Variants in TFCP2L1 observed in about 807,000 individuals in gnomAD.
TFCP2L1 encodes the protein transcription factor CP2-like protein 1.
Under a neutral mutation model 72.2 loss-of-function variants are expected in TFCP2L1, and 12 were observed. The observed-to-expected ratio is 0.17, with a 90% confidence interval of 0.11 to 0.27. TFCP2L1 has a LOEUF of 0.27. Ranked by LOEUF, TFCP2L1 falls within the 10% of genes least tolerant of loss-of-function variation. The pLI, the probability that TFCP2L1 is intolerant of heterozygous loss-of-function variation, is 1.00. For missense variants in TFCP2L1, 488 were observed against 624.6 expected (o/e 0.78, Z 2.33); for synonymous variants, 260 against 251.0 (o/e 1.04, Z -0.34).
chr2:121,265,055 C>A (rs1329347800), intron 2 of TFCP2L1, among the ~76,000 whole-genome samples: 2 of 152,064 alleles, frequency 1.3e-5, no homozygotes, highest in Admixed American at 1.3e-4. Context: ...TTCACAATAG[C>A]CAAAAAGTAG....
At chr2:121,242,225 G>C (rs185168764) in intron 7 of TFCP2L1, 134 bp downstream of exon 7, 2 of 731,720 alleles carry the variant, frequency 2.7e-6, no homozygotes, top group Admixed American at 4.3e-5. Flanking sequence ...CCAGACACTG[G>C]AACCCACCAC....
chr2:121,263,612 G>A (rs1194998607), intron 2 of TFCP2L1, among the ~76,000 whole-genome samples: 1 of 152,056 alleles, frequency 6.6e-6, no homozygotes, highest in Admixed American at 6.5e-5. Context: ...GATTCAAAAT[G>A]TTGACAATGC....
intron 2 of TFCP2L1, 108 bp downstream of exon 2, chr2:121,281,012 C>T (rs963811790): frequency 2.9e-5 from 42 of 1,464,738 alleles, no homozygotes; most frequent in East Asian, 2.5e-4. Flanking sequence ...AGCCCGACCT[C>T]GCCCGACCTC....
Position 121,276,450 on chromosome 2 carries a change from T to C in TFCP2L1, c.214+4670A>G, listed in dbSNP as rs576953741. On this transcript the variant is annotated intron_variant, in intron 2 of 14. Transcript: ENST00000263707. ...GAGTTCAAGAGCAGCTTGGGAAACATGACAAAACCCCATCTCTACCAAAAT... is the reference window on the plus strand; with the variant it reads ...GAGTTCAAGAGCAGCTTGGGAAACACGACAAAACCCCATCTCTACCAAAAT... 3.9e-5 allele frequency among the ~76,000 whole-genome samples: 6 copies of C among 152,004 alleles called. No homozygotes were observed. The South Asian group carries it at 6.2e-4, about 16-fold the overall frequency.
chr2:121,223,128 A>G lies in TFCP2L1; in HGVS notation c.*1213T>C, dbSNP rs1449491730. On this transcript the variant is annotated 3_prime_UTR_variant, in exon 15 of 15. Transcript: ENST00000263707. ...AGAAGCTCCATTTAGAAGCTATGACATCCCATTCAGGTGGTCAGAGGGTTC... is the reference window on the plus strand; with the variant it reads ...AGAAGCTCCATTTAGAAGCTATGACGTCCCATTCAGGTGGTCAGAGGGTTC... The G allele has an allele frequency of 6.6e-6, 1 of 152,186 alleles. No homozygotes were observed. Among genetic ancestry groups the G allele is most frequent in the Non-Finnish European group, 1.5e-5 (1 of 68,048 alleles). 9.4% of individuals were successfully genotyped at this position (152,186 alleles called of 1,614,324 possible).
At chr2:121,230,273 G>A (rs1410477727) in intron 13 of TFCP2L1, among the ~76,000 whole-genome samples, 2 of 152,164 alleles carry the variant, frequency 1.3e-5, no homozygotes, top group South Asian at 2.1e-4. Context: ...CCAGGTTCAA[G>A]CGATTCTCCT....
intron 7 of TFCP2L1, among the ~76,000 whole-genome samples, chr2:121,241,797 A>G (rs990261281): frequency 2.6e-5 from 4 of 152,156 alleles, no homozygotes; most frequent in Admixed American, 2.6e-4. Context: ...ACATGATGCC[A>G]TGCAGCTGGG....
chr2:121,285,009 C>A, intron 1 of TFCP2L1, 39 bp downstream of exon 1: 2 of 1,448,396 alleles, frequency 1.4e-6, no homozygotes, highest in Non-Finnish European at 1.8e-6. Context: ...GGCCCGCCGG[C>A]CCGGCCCGAG....
chr2:121,242,461 T>A lies in TFCP2L1; in HGVS notation c.666A>T (p.Gly222=). 6.2e-7 allele frequency: 1 copy of A among 1,613,966 alleles called. No homozygotes were observed. The highest frequency in any genetic ancestry group is 1.1e-5 in the South Asian group (1 of 91,070). ...SCQIKVFKPK[G]ADRKQKTDRE... ...GGTCAGTCTTCTGTTTCCGATCGGCTCCCTTCGGCTGCGAGCAGAGTACAG... is the reference window on the plus strand; with the variant it reads ...GGTCAGTCTTCTGTTTCCGATCGGCACCCTTCGGCTGCGAGCAGAGTACAG... The change falls in exon 7 of 15, where the codon GGA becomes GGT. Residue 222 remains glycine, a synonymous_variant. Coordinates refer to ENST00000263707, the MANE Select transcript of TFCP2L1 (RefSeq NM_014553.3).
At chr2:121,249,549 G>C in intron 3 of TFCP2L1, 22 bp downstream of exon 3, 1 of 1,612,904 alleles carries the variant, frequency 6.2e-7, no homozygotes, top group Non-Finnish European at 8.5e-7. Flanking sequence ...CCGAGGCAAT[G>C]AGAACAGCCT....
chr2:121,240,213 G>C (rs1686340451), intron 7 of TFCP2L1: 1 of 985,142 alleles, frequency 1.0e-6, no homozygotes, highest in Non-Finnish European at 1.2e-6. Flanking sequence ...CAGGCATTCT[G>C]CTGGGGGCTA....
At chr2:121,284,429 TC>T (rs1158034500) in intron 1 of TFCP2L1, among the ~76,000 whole-genome samples, 1 of 152,182 alleles carries the variant, frequency 6.6e-6, no homozygotes, top group Non-Finnish European at 1.5e-5. Context: ...TACTTTCCCC[TC>T]TGAAGGGCAC....
intron 13 of TFCP2L1, among the ~76,000 whole-genome samples, chr2:121,231,202 G>T (rs1686136792): frequency 6.6e-6 from 1 of 152,232 alleles, no homozygotes; most frequent in African/African-American, 2.4e-5. Context: ...TTATTAGGTG[G>T]AAGGGGTCCA....
chr2:121,266,889 A>T (rs1170417135), intron 2 of TFCP2L1, among the ~76,000 whole-genome samples: 1 of 74,668 alleles, frequency 1.3e-5, no homozygotes, highest in African/African-American at 7.7e-5. Context: ...TTCATTATTT[A>T]TTTATTTATT....
At chr2:121,282,621 C>A (rs1293377623) in intron 1 of TFCP2L1, among the ~76,000 whole-genome samples, 1 of 152,102 alleles carries the variant, frequency 6.6e-6, no homozygotes, top group South Asian at 2.1e-4. Flanking sequence ...GACCTACAGG[C>A]AGGCAAGGCT....
chr2:121,279,995 G>C (rs1030380334), intron 2 of TFCP2L1, among the ~76,000 whole-genome samples: 5 of 152,048 alleles, frequency 3.3e-5, no homozygotes, highest in African/African-American at 7.2e-5. Flanking sequence ...CGACCCAGAA[G>C]AAAGTGCAAA....
intron 12 of TFCP2L1, among the ~76,000 whole-genome samples, chr2:121,233,583 C>A (rs375384021): frequency 1.3e-5 from 2 of 152,240 alleles, no homozygotes; most frequent in Admixed American, 6.5e-5. Flanking sequence ...TGAACCACCA[C>A]ACCCAGCCAC....
intron 2 of TFCP2L1, among the ~76,000 whole-genome samples, chr2:121,265,934 C>T (rs917599740): frequency 5.3e-5 from 8 of 149,768 alleles, no homozygotes; most frequent in African/African-American, 7.4e-5. Flanking sequence ...GATGTAGTCT[C>T]GGCTCAGTGC....
chr2:121,281,278 C>A lies in TFCP2L1; in HGVS notation c.63-7G>T, dbSNP rs753348612. ...GGGCAGAGCGAGCACATCACTGCAA[C>A]ACACGGGAAGCAGAGGTCAGGAGCA... On this transcript the variant is annotated splice_region_variant and splice_polypyrimidine_tract_variant and intron_variant, in intron 1 of 14. Coordinates refer to ENST00000263707, the MANE Select transcript of TFCP2L1 (RefSeq NM_014553.3). 3.8e-6 allele frequency: 6 copies of A among 1,592,206 alleles called. No individual in the cohort carries two copies. The African/African-American group carries it at 6.7e-5, about 18-fold the overall frequency.
Sources: allele counts gnomAD v4.1 joint callset (sites outside exome capture counted in the v4.1 genomes callset), GRCh38; gene constraint gnomAD v4.1.1; transcripts MANE v1.5; gene names NCBI Gene and HGNC (gene_info 2026-07-23, HGNC 2026-07-21).